RNF32: variants seen among roughly 807,000 people sequenced by gnomAD.
RNF32 encodes ring finger protein 32.
Under a neutral mutation model 41.0 loss-of-function variants are expected in RNF32, and 36 were observed. The ratio of observed to expected loss-of-function variants is 0.88; its 90% confidence interval spans 0.67 to 1.16. The LOEUF (loss-of-function observed/expected upper bound fraction) is 1.16, where lower values mean the gene tolerates loss of function less well. Among genes scored for constraint, RNF32 ranks in the 50% most tolerant of loss-of-function variants. The pLI is 0.00. For missense variants in RNF32, 413 were observed against 436.7 expected (o/e 0.95, Z 0.48); for synonymous variants, 154 against 160.9 (o/e 0.96, Z 0.32).
At chr7:156,641,122 GC>G in intron 1 of RNF32, 1 of 152,604 alleles carries the variant, frequency 6.6e-6, no homozygotes, top group Non-Finnish European at 1.5e-5. Flanking sequence ...GCCATCAGGG[GC>G]CCCAGGTGCA....
At chr7:156,654,817 T>C in intron 4 of RNF32, 99 bp downstream of exon 4, 1 of 1,171,958 alleles carries the variant, frequency 8.5e-7, no homozygotes. Flanking sequence ...CTTTTTCCAG[T>C]TTCATCCTCC....
intron 4 of RNF32, 114 bp from the exon 5 acceptor site, chr7:156,657,427 G>T: frequency 2.1e-6 from 2 of 975,212 alleles, no homozygotes; most frequent in Non-Finnish European, 3.3e-6. Context: ...TTATTAATTT[G>T]CTTTTTTAAA....
rs1484080522 is a variant in RNF32, at chr7:156,654,562, C to T, written c.275-14C>T. On this transcript the variant is annotated splice_polypyrimidine_tract_variant and intron_variant, in intron 3 of 8. Transcript: ENST00000317955. ...AAGACACTCTAACTCCTGTCCTGTG[C>T]TGTCTTACTTTAGCACAGAAGTTGG... is the stretch of plus-strand genomic sequence containing the variant. The T allele has an allele frequency of 6.2e-7, 1 of 1,612,102 alleles. No individual in the cohort carries two copies. Among genetic ancestry groups the T allele is most frequent in the Non-Finnish European group, 8.5e-7 (1 of 1,178,454 alleles).
chr7:156,662,575 TTCTC>T (rs376939007), intron 7 of RNF32, among the ~76,000 whole-genome samples: 38 of 152,178 alleles, frequency 2.5e-4, no homozygotes, highest in South Asian at 2.1e-3. Flanking sequence ...TGCGTGTGCT[TTCTC>T]TCTGTCTCTG....
intron 7 of RNF32, among the ~76,000 whole-genome samples, chr7:156,666,579 A>T (rs1801369308): frequency 6.6e-6 from 1 of 152,232 alleles, no homozygotes; most frequent in African/African-American, 2.4e-5. Flanking sequence ...CCCTTAGGTA[A>T]GTGTCAGAGA....
In RNF32 at chr7:156,658,954, G is replaced by A. The variant is rs952300513; in HGVS notation, c.684+384G>A. ...TGCACATCTCATAGTAATGAAAATA[G>A]AAGCTGCCTATAAAAATAAAGCCCC... On this transcript the variant is annotated intron_variant, in intron 7 of 8. Transcript: ENST00000317955. The A allele has an allele frequency of 2.0e-6, 3 of 1,519,364 alleles. No individual in the cohort carries two copies. The African/African-American group carries it at 4.2e-5, about 21-fold the overall frequency. The allele number at this position is 1,519,364 out of a possible 1,614,324, so 94.1% of individuals were successfully genotyped here.
In RNF32 at chr7:156,658,490, G is replaced by C. The variant is rs1800092424; in HGVS notation, c.604G>C (p.Val202Leu). 6.2e-7 allele frequency: 1 copy of C among 1,613,488 alleles called. No individual in the cohort carries two copies. The highest frequency in any genetic ancestry group is 8.5e-7 in the Non-Finnish European group (1 of 1,179,416). Residue 202 changes from valine (V) to leucine (L), a missense_variant, in exon 7 of 9, where the codon GTT (valine) becomes CTT (leucine). Transcript: ENST00000317955. Reference sequence around the variant, plus strand: ...CCAAGCCTACTGGAGAGGATGTGTTGTTAGAAAGTGGTACAGAAACCTGAG... The same window carrying C: ...CCAAGCCTACTGGAGAGGATGTGTTCTTAGAAAGTGGTACAGAAACCTGAG... ...RIQAYWRGCV[V>L]RKWYRNLRKT...
chr7:156,660,466 A>AT (rs1433700247), intron 7 of RNF32: 4 of 211,134 alleles, frequency 1.9e-5, no homozygotes, highest in African/African-American at 7.1e-5. Context: ...AGTAAAACTG[A>AT]TTTTTTATTT....
chr7:156,674,837 T>C (rs1016336192), intron 7 of RNF32, among the ~76,000 whole-genome samples: 1 of 152,254 alleles, frequency 6.6e-6, no homozygotes, highest in Non-Finnish European at 1.5e-5. Context: ...ATTACATACG[T>C]AGCTCACAGT....
chr7:156,666,054 G>C (rs912846231), intron 7 of RNF32, among the ~76,000 whole-genome samples: 1 of 152,118 alleles, frequency 6.6e-6, no homozygotes, highest in Non-Finnish European at 1.5e-5. Context: ...CATTGGTTTC[G>C]ATCAAAGATA....
At chr7:156,675,665 G>A (rs1208018159) in intron 7 of RNF32, 31 bp from the exon 8 acceptor site, 2 of 1,596,844 alleles carry the variant, frequency 1.3e-6, no homozygotes, top group East Asian at 4.5e-5. Flanking sequence ...GAGCTCAGGT[G>A]TGAGCTTACC....
rs771776056 is a variant in RNF32 at position 156,644,675 on chromosome 7, T to TA, written c.199dup (p.Thr67AsnfsTer17). On this transcript the variant is annotated frameshift_variant, in exon 3 of 9. Transcript: ENST00000317955. LOFTEE classifies it high-confidence loss of function. ...CAAAGGCAATAATAGATACTGGACT[T>TA]AAAAAAACTACACAGTGCCCCAAAC... 8 of 1,613,208 alleles carry TA rather than the reference T, an allele frequency of 5.0e-6. No homozygotes were observed. In the East Asian group the frequency reaches 8.9e-5, roughly 18 times the overall value.
chr7:156,665,294 C>G (rs916324665), intron 7 of RNF32, among the ~76,000 whole-genome samples: 1 of 152,098 alleles, frequency 6.6e-6, no homozygotes, highest in Admixed American at 6.5e-5. Context: ...GGTTTTTCTG[C>G]GTAGTATGGG....
At chr7:156,658,382 C>T in intron 6 of RNF32, 80 bp from the exon 7 acceptor site, 3 of 1,516,924 alleles carry the variant, frequency 2.0e-6, no homozygotes, top group South Asian at 2.3e-5. Flanking sequence ...TTGTACAGCA[C>T]AGGGCTTATA....
In RNF32 at chr7:156,643,832, A is replaced by T; in HGVS notation, c.-46A>T. On this transcript the variant is annotated 5_prime_UTR_variant, in exon 2 of 9. It removes an upstream start codon present in the reference 5' UTR. Transcript: ENST00000317955. ...AATAGAAGGAAGGTGATAGGATGTGATGATAGAATTTGTGATAGCCAAGCA... is the reference window on the plus strand; with the variant it reads ...AATAGAAGGAAGGTGATAGGATGTGTTGATAGAATTTGTGATAGCCAAGCA... 6.3e-7 allele frequency: 1 copy of T among 1,575,950 alleles called. No homozygotes were observed. Among genetic ancestry groups the T allele is most frequent in the Non-Finnish European group, 8.7e-7 (1 of 1,145,566 alleles).
chr7:156,676,397 C>A (rs1312464915), intron 8 of RNF32, 22 bp from the exon 9 acceptor site: 1 of 1,614,134 alleles, frequency 6.2e-7, no homozygotes, highest in East Asian at 2.2e-5. Flanking sequence ...CGCGTGGCCT[C>A]TTCCCGTCCT....
intron 7 of RNF32, chr7:156,659,041 TC>T: frequency 1.4e-6 from 2 of 1,410,980 alleles, no homozygotes; most frequent in Non-Finnish European, 1.8e-6. Flanking sequence ...AGAGCTAACT[TC>T]CATGTCTACC....
chr7:156,674,876 C>T lies in RNF32; in HGVS notation c.685-820C>T, dbSNP rs192689299. 3.0e-4 allele frequency among the ~76,000 whole-genome samples: 45 copies of T among 152,282 alleles called. 1 individual carries two copies. The highest frequency in any genetic ancestry group is 1.0e-3 in the African/African-American group (42 of 41,550). ...TTTCTATGGGACAGAGCTGATCCTG[C>T]GAAATTCGAACTTTTCTCTCAACTT... On this transcript the variant is annotated intron_variant, in intron 7 of 8. Transcript: ENST00000317955.
Position 156,657,642 on chromosome 7 carries a change from C to T in RNF32, c.450+69C>T, listed in dbSNP as rs1473769677. 8 of 1,461,328 alleles carry T rather than the reference C, an allele frequency of 5.5e-6. No homozygotes were observed. In the East Asian group the frequency reaches 1.8e-4, roughly 33 times the overall value. The allele number at this position is 1,461,328 out of a possible 1,614,324, so 90.5% of individuals were successfully genotyped here. ...TCTCACAGTGCAGAGAAACCATAGT[C>T]ATTTTCAAGGCTCCTAAGGAGAGCC... On this transcript the variant is annotated intron_variant, in intron 5 of 8. Transcript: ENST00000317955.
Sources: allele counts gnomAD v4.1 joint callset (sites outside exome capture counted in the v4.1 genomes callset), GRCh38; gene constraint gnomAD v4.1.1; transcripts MANE v1.5; gene names NCBI Gene and HGNC (gene_info 2026-07-23, HGNC 2026-07-21).